Variants in BCL9 observed in about 807,000 individuals in gnomAD.
The protein encoded by BCL9 is BCL9 transcription coactivator.
BCL9 carries 25 observed loss-of-function variants against 88.5 expected under a neutral mutation model. That is an observed-to-expected ratio of 0.28 (90% CI 0.21 to 0.39). The LOEUF is 0.39. Among genes scored for constraint, BCL9 ranks in the 10% least tolerant of loss-of-function variants. The probability of loss-of-function intolerance (pLI) is 1.00; values close to 1 mark genes in which losing one functional copy is unlikely to be tolerated. For missense variants in BCL9, 1,817 were observed against 1,877.8 expected (o/e 0.97, Z 0.60); for synonymous variants, 711 against 673.3 (o/e 1.06, Z -0.87).
intron 9 of BCL9, 102 bp from the exon 10 acceptor site, chr1:147,623,740 C>T: frequency 1.5e-6 from 2 of 1,310,418 alleles, no homozygotes; most frequent in Non-Finnish European, 2.1e-6. Context: ...CAGCATTATA[C>T]TATGCACATT....
rs782771743 is a variant in BCL9, at chr1:147,619,103, T to C, written c.948T>C (p.Pro316=). 6.2e-7 allele frequency: 1 copy of C among 1,613,726 alleles called. No individual in the cohort carries two copies. Among genetic ancestry groups the C allele is most frequent in the African/African-American group, 1.3e-5 (1 of 74,924 alleles). The part of the protein sequence containing the change: ...NSTPNNRAVT[P]VSQGSNSSSA... ...CTCCCAACAATAGGGCAGTGACCCCTGTCTCCCAGGGGAGCAATAGCTCTT... is the reference window on the plus strand; with the variant it reads ...CTCCCAACAATAGGGCAGTGACCCCCGTCTCCCAGGGGAGCAATAGCTCTT... The change falls in exon 8 of 10, where the codon CCT becomes CCC. Residue 316 remains proline (P), a synonymous_variant. Coordinates refer to ENST00000234739, the MANE Select transcript of BCL9 (RefSeq NM_004326.4). The surrounding 1 kb of genome is among the most constrained non-coding windows in gnomAD (Gnocchi z 4.1).
intron 1 of BCL9, among the ~76,000 whole-genome samples, chr1:147,602,061 C>A (rs1385638557): frequency 8.6e-5 from 13 of 151,838 alleles, no homozygotes; most frequent in African/African-American, 3.1e-4. Flanking sequence ...CCACCACGTC[C>A]AGCTAATTTA....
Position 147,611,691 on chromosome 1 carries a change from A to G in BCL9, c.-146A>G. On this transcript the variant is annotated 5_prime_UTR_variant, in exon 4 of 10. Transcript: ENST00000234739. ...CACAGCAGAGAAAAACAAAGAGGAA[A>G]AAGGCATACAGGCAGCGAGCGCTAA... The G allele has an allele frequency of 1.5e-6, 1 of 685,884 alleles. No homozygotes were observed. The highest frequency in any genetic ancestry group is 1.8e-5 in the African/African-American group (1 of 55,990). 42.5% of individuals were successfully genotyped at this position (685,884 alleles called of 1,614,324 possible).
chr1:147,567,597 C>A (rs587762120), intron 1 of BCL9, among the ~76,000 whole-genome samples: 1 of 152,068 alleles, frequency 6.6e-6, no homozygotes, highest in Non-Finnish European at 1.5e-5. Flanking sequence ...ATTAATGGCA[C>A]AAAATTCAAT....
At chr1:147,621,767 G>A (rs587718201) in intron 8 of BCL9, among the ~76,000 whole-genome samples, 1 of 152,284 alleles carries the variant, frequency 6.6e-6, no homozygotes, top group East Asian at 1.9e-4. Context: ...GTTCACTGAA[G>A]CAGTACAGTG....
chr1:147,559,676 C>A lies in BCL9; in HGVS notation c.-478+18002C>A, dbSNP rs1553195839. 4.6e-5 allele frequency among the ~76,000 whole-genome samples: 7 copies of A among 152,136 alleles called. No individual in the cohort carries two copies. The South Asian group carries it at 1.5e-3, about 32-fold the overall frequency. ...CTGGACTGCAAGAGAGTGCTTTTGA[C>A]CCCAAGGAGCCAAATGTTATAATAG... On this transcript the variant is annotated intron_variant, in intron 1 of 9. Transcript: ENST00000234739.
intron 1 of BCL9, among the ~76,000 whole-genome samples, chr1:147,581,776 G>A (rs1490360783): frequency 1.3e-5 from 2 of 152,084 alleles, no homozygotes; most frequent in Non-Finnish European, 2.9e-5. Flanking sequence ...AGACGCTGGC[G>A]ACTTTCTATT....
rs1553205917 is a variant in BCL9 at position 147,623,929 on chromosome 1, A to G, written c.3251A>G (p.Gln1084Arg). 6.8e-6 allele frequency: 11 copies of G among 1,614,212 alleles called. No individual in the cohort carries two copies. The highest frequency in any genetic ancestry group is 4.4e-5 in the South Asian group (4 of 91,086). Residue 1084 changes from glutamine (Q) to arginine (R), a missense_variant, in exon 10 of 10, where the codon CAG becomes CGG. By Grantham distance (43) the Gln-to-Arg change is conservative. Around this residue, in one of 2 missense-constraint regions of BCL9, gnomAD observed 589 missense variants for 686.2 expected, o/e 0.86. Coordinates refer to ENST00000234739, the MANE Select transcript of BCL9 (RefSeq NM_004326.4). ...ACCCTCAGCCCAATGGGAATGACCC[A>G]GCCACTTTCTCACTCCAATCAGATG... ...MPTLSPMGMT[Q>R]PLSHSNQMPS...
intron 1 of BCL9, among the ~76,000 whole-genome samples, chr1:147,571,014 G>T (rs587659527): frequency 2.0e-5 from 3 of 151,742 alleles, no homozygotes; most frequent in Admixed American, 1.3e-4. Flanking sequence ...CGGGGTATTT[G>T]CATGCATCTC....
Position 147,620,703 on chromosome 1 carries a change from G to C in BCL9, c.2548G>C (p.Val850Leu), listed in dbSNP as rs1658581742. 6.2e-7 allele frequency: 1 copy of C among 1,614,174 alleles called. No homozygotes were observed. Among genetic ancestry groups the C allele is most frequent in the Non-Finnish European group, 8.5e-7 (1 of 1,180,050 alleles). The change falls in exon 8 of 10, where the codon GTG becomes CTG. Residue 850 changes from valine (V) to leucine (L), a missense_variant. Physicochemically the swap from Val to Leu is conservative, Grantham distance 32. Transcript: ENST00000234739. ...GGGGCGGAAGCCCTTGGATATATCT[G>C]TGGCAGGCAGCCAGGTGCATTCCCC... ...GLGRKPLDISVAGSQVHSPGI... is the reference protein window; with the variant it reads ...GLGRKPLDISLAGSQVHSPGI...
chr1:147,587,740 G>A (rs2101563962), intron 1 of BCL9, among the ~76,000 whole-genome samples: 1 of 150,938 alleles, frequency 6.6e-6, no homozygotes, highest in Admixed American at 6.6e-5. Flanking sequence ...TGGGATTTCA[G>A]GCCTTGTAGT....
rs782182406 is a variant in BCL9 at position 147,611,884 on chromosome 1, A to G, written c.48A>G (p.Thr16=). 7 of 1,614,110 alleles carry G rather than the reference A, an allele frequency of 4.3e-6. No homozygotes were observed. Among genetic ancestry groups the G allele is most frequent in the Non-Finnish European group, 4.2e-6 (5 of 1,179,970 alleles). Residue 16 remains threonine (T), a synonymous_variant, in exon 4 of 10, where the codon ACA becomes ACG. Transcript: ENST00000234739. ...TGAGGAGCTCTCCATCAGGAAACAC[A>G]CAGAGGTAAGGGCTGGGCTGGGGCC... ...PKVRSSPSGN[T]QSSPKSKQEV...
chr1:147,620,987 T>C lies in BCL9; in HGVS notation c.2832T>C (p.Pro944=). The C allele has an allele frequency of 6.2e-7, 1 of 1,614,206 alleles. No individual in the cohort carries two copies. Among genetic ancestry groups the C allele is most frequent in the Non-Finnish European group, 8.5e-7 (1 of 1,180,030 alleles). The part of the protein sequence containing the change: ...TSSPKPPLQS[P]GIPPNHKAPL... ...CTCCAAAACCTCCCCTTCAGAGTCCTGGGATCCCTCCAAACCATAAAGCAC... is the reference window on the plus strand; with the variant it reads ...CTCCAAAACCTCCCCTTCAGAGTCCCGGGATCCCTCCAAACCATAAAGCAC... The change falls in exon 8 of 10, where the codon CCT becomes CCC. Residue 944 remains proline (P), a synonymous_variant. Coordinates refer to ENST00000234739, the MANE Select transcript of BCL9 (RefSeq NM_004326.4).
chr1:147,571,016 A>C (rs1655863230), intron 1 of BCL9, among the ~76,000 whole-genome samples: 1 of 151,740 alleles, frequency 6.6e-6, no homozygotes, highest in South Asian at 2.1e-4. Context: ...GGGTATTTGC[A>C]TGCATCTCCC....
chr1:147,614,361 G>A, intron 5 of BCL9, 66 bp from the exon 6 acceptor site: 1 of 1,504,416 alleles, frequency 6.6e-7, no homozygotes, highest in East Asian at 2.3e-5. Flanking sequence ...GTGTTGTGAT[G>A]CTATATATGC....
At chr1:147,547,841 A>G (rs1250017258) in intron 1 of BCL9, among the ~76,000 whole-genome samples, 4 of 152,244 alleles carry the variant, frequency 2.6e-5, no homozygotes, top group African/African-American at 7.2e-5. Flanking sequence ...GCGTTTGGTT[A>G]CCGATGAATG....
intron 1 of BCL9, among the ~76,000 whole-genome samples, chr1:147,599,825 G>A (rs1657261144): frequency 6.6e-6 from 1 of 151,182 alleles, no homozygotes; most frequent in Non-Finnish European, 1.5e-5. Context: ...GGCCCTGCGG[G>A]AAGCTGGGGG....
chr1:147,596,407 T>TTC (rs1254576405), intron 1 of BCL9, among the ~76,000 whole-genome samples: 2 of 2,320 alleles, frequency 8.6e-4, no homozygotes, highest in Admixed American at 3.5e-3. Context: ...ACTTTCTTTT[T>TTC]TTTCTTTTCT....
At chr1:147,603,655 C>G (rs1221735778) in intron 1 of BCL9, among the ~76,000 whole-genome samples, 1 of 144,418 alleles carries the variant, frequency 6.9e-6, no homozygotes, top group African/African-American at 2.6e-5. Context: ...GTACACGCTA[C>G]CATGCCCAGC....
Sources: allele counts gnomAD v4.1 joint callset (sites outside exome capture counted in the v4.1 genomes callset), GRCh38; gene constraint gnomAD v4.1.1; regional missense constraint gnomAD v4.1.1; non-coding constraint Gnocchi (gnomAD v3.1); transcripts MANE v1.5; gene names NCBI Gene and HGNC (gene_info 2026-07-23, HGNC 2026-07-21).